Variants in LSAMP observed in about 807,000 individuals in gnomAD.
LSAMP encodes limbic system associated membrane protein.
In LSAMP, 7 loss-of-function variants were observed where a neutral mutation model predicts 38.6. The ratio of observed to expected loss-of-function variants is 0.18; its 90% CI spans 0.10 to 0.34. The LOEUF (loss-of-function observed/expected upper bound fraction) is 0.34, where lower values mean the gene tolerates loss of function less well. Ranked by LOEUF, LSAMP falls within the 10% of genes least tolerant of loss-of-function variation. The pLI is 1.00. For synonymous variants in LSAMP, 154 were observed against 166.8 expected (o/e 0.92, Z 0.59); for missense variants, 313 against 420.0 (o/e 0.75, Z 2.23).
intron 1 of LSAMP, among the ~76,000 whole-genome samples, chr3:116,401,526 C>T (rs1204563600): frequency 2.6e-5 from 4 of 152,216 alleles, no homozygotes; most frequent in Non-Finnish European, 5.9e-5. Context: ...AAGCCATCCA[C>T]CTGCCTTAGC....
intron 3 of LSAMP, among the ~76,000 whole-genome samples, chr3:115,978,709 A>G (rs936658167): frequency 6.6e-6 from 1 of 152,124 alleles, no homozygotes; most frequent in Non-Finnish European, 1.5e-5. Flanking sequence ...AAAAAAGTTA[A>G]GGAGTTGGCA....
intron 2 of LSAMP, among the ~76,000 whole-genome samples, chr3:116,084,946 T>TA (rs1207315047): frequency 1.3e-5 from 2 of 148,522 alleles, no homozygotes; most frequent in East Asian, 3.9e-4. Flanking sequence ...AATTTTTTCT[T>TA]ATGTTTTGAT....
At chr3:115,830,581 T>C (rs934173068) in intron 6 of LSAMP, among the ~76,000 whole-genome samples, 17 of 152,338 alleles carry the variant, frequency 1.1e-4, no homozygotes, top group Admixed American at 6.5e-4. Flanking sequence ...TAAACTCTAA[T>C]GGTACATGAG....
rs74285328 is a variant in LSAMP, at chr3:116,044,015, T to C, written c.389-24375A>G. ...TTCCACTTATGCTTTCAAAAGTTGC[T>C]CTACTCTTCCTCCATGAGCCCTCTT... On this transcript the variant is annotated intron_variant, in intron 2 of 6. Transcript: ENST00000490035. 2.6e-4 allele frequency among the ~76,000 whole-genome samples: 40 copies of C among 152,328 alleles called. No homozygotes were observed. The East Asian group carries it at 7.5e-3, about 29-fold the overall frequency.
chr3:115,887,045 C>T (rs997664966), intron 3 of LSAMP, among the ~76,000 whole-genome samples: 11 of 151,950 alleles, frequency 7.2e-5, no homozygotes, highest in Admixed American at 7.2e-4. Context: ...ACATACAAGG[C>T]ATTTTATATG....
At chr3:116,435,711 A>C (rs534638445) in intron 1 of LSAMP, among the ~76,000 whole-genome samples, 2 of 152,092 alleles carry the variant, frequency 1.3e-5, no homozygotes, top group Non-Finnish European at 2.9e-5. Context: ...CTATTGGGGG[A>C]AAAAAGTTCT....
At chr3:115,911,759 A>G (rs990667208) in intron 3 of LSAMP, among the ~76,000 whole-genome samples, 1 of 152,188 alleles carries the variant, frequency 6.6e-6, no homozygotes, top group Admixed American at 6.5e-5. Context: ...AAAAGCCAAA[A>G]TTATTTTCCA....
chr3:115,955,600 T>TTAACTGCTGATGGGTAAAGAAG lies in LSAMP; in HGVS notation c.514+63893_514+63914dup, dbSNP rs1339109681. Among the ~76,000 whole-genome samples, 10 of 147,864 alleles carry TTAACTGCTGATGGGTAAAGAAG rather than the reference T, an allele frequency of 6.8e-5. No individual in the cohort carries two copies. The Admixed American group carries it at 6.8e-4, about 10-fold the overall frequency. Reference sequence around the variant, plus strand: ...ACAGGTATTTAAACAAGCCATTGTATTAACTGCTGATGGGTAAAGAAGGGT... The same window carrying TTAACTGCTGATGGGTAAAGAAG: ...ACAGGTATTTAAACAAGCCATTGTATTAACTGCTGATGGGTAAAGAAGTAACTGCTGATGGGTAAAGAAGGGT... On this transcript the variant is annotated intron_variant, in intron 3 of 6. Transcript: ENST00000490035.
chr3:116,234,989 G>A (rs954941071), intron 1 of LSAMP, among the ~76,000 whole-genome samples: 2 of 151,440 alleles, frequency 1.3e-5, no homozygotes, highest in Non-Finnish European at 2.9e-5. Flanking sequence ...GTATCTACCA[G>A]TTTGACAATG....
At position 115,923,134 on chromosome 3, in the gene LSAMP, T is replaced by G. The variant is rs75067162; in HGVS notation, c.515-70517A>C. Among the ~76,000 whole-genome samples, 852 of 152,330 alleles carry G rather than the reference T, an allele frequency of 5.6e-3. 11 individuals are homozygous for G. The highest frequency in any genetic ancestry group is 0.019 in the African/African-American group (805 of 41,588). ...CAAGCTGCCTCTTTCCATGCTTCTG[T>G]GTTCTCAGTTGCCCAAGACACTCAA... On this transcript the variant is annotated intron_variant, in intron 3 of 6. Coordinates refer to ENST00000490035, the MANE Select transcript of LSAMP (RefSeq NM_002338.5).
chr3:116,172,883 G>A (rs1414044829), intron 1 of LSAMP, among the ~76,000 whole-genome samples: 2 of 151,830 alleles, frequency 1.3e-5, no homozygotes, highest in Non-Finnish European at 2.9e-5. Context: ...CCCTCTTCAT[G>A]ACAGGAAACA....
intron 1 of LSAMP, among the ~76,000 whole-genome samples, chr3:116,434,335 G>A (rs142487580): frequency 2.0e-5 from 3 of 152,258 alleles, no homozygotes; most frequent in East Asian, 3.9e-4. Context: ...AAAAGGTAAA[G>A]CAAATGAAAT....
intron 1 of LSAMP, among the ~76,000 whole-genome samples, chr3:116,267,273 C>T (rs2046904741): frequency 6.6e-6 from 1 of 152,078 alleles, no homozygotes; most frequent in African/African-American, 2.4e-5. Flanking sequence ...ACAGATCCAT[C>T]TCTTTCTGTG....
intron 1 of LSAMP, among the ~76,000 whole-genome samples, chr3:116,350,850 G>C (rs933372918): frequency 6.6e-6 from 1 of 151,954 alleles, no homozygotes; most frequent in African/African-American, 2.4e-5. Context: ...ATCCGTGCTG[G>C]TTTTGCTGTC....
chr3:116,439,096 C>T (rs2049394995), intron 1 of LSAMP, among the ~76,000 whole-genome samples: 1 of 152,082 alleles, frequency 6.6e-6, no homozygotes, highest in African/African-American at 2.4e-5. Flanking sequence ...AACCTGTGCC[C>T]AGTCCCTTCC....
rs112005290 is a variant in LSAMP at position 116,210,126 on chromosome 3, T to G, written c.156-123570A>C. On this transcript the variant is annotated intron_variant, in intron 1 of 6. Coordinates refer to ENST00000490035, the MANE Select transcript of LSAMP (RefSeq NM_002338.5). ...AAATAAATAATGTGCCTTTGGCATT[T>G]GTGTCTCACGTTTCATTTGTGATGC... Among the ~76,000 whole-genome samples the G allele has an allele frequency of 4.3e-3, 662 of 152,330 alleles. 7 individuals carry two copies. Among genetic ancestry groups the G allele is most frequent in the African/African-American group, 0.015 (624 of 41,566 alleles).
intron 3 of LSAMP, among the ~76,000 whole-genome samples, chr3:115,930,067 G>T (rs1274850322): frequency 1.7e-5 from 2 of 119,356 alleles, no homozygotes; most frequent in East Asian, 5.8e-4. Flanking sequence ...AAGCCTATGG[G>T]CAGAGAATTA....
At chr3:115,978,186 A>T (rs1268100777) in intron 3 of LSAMP, among the ~76,000 whole-genome samples, 1 of 152,164 alleles carries the variant, frequency 6.6e-6, no homozygotes, top group Non-Finnish European at 1.5e-5. Flanking sequence ...AAGGCAAGGA[A>T]ATGGTAGTTA....
intron 3 of LSAMP, among the ~76,000 whole-genome samples, chr3:115,887,113 C>CA (rs1194111112): frequency 1.3e-5 from 2 of 151,794 alleles, no homozygotes; most frequent in African/African-American, 4.8e-5. Flanking sequence ...AAACATGGGA[C>CA]AAAGGAATAG....
Sources: gnomAD v4.1 joint callset for allele counts (sites outside exome capture counted in the v4.1 genomes callset) on GRCh38, gnomAD v4.1.1 for gene constraint, MANE v1.5 for transcripts, NCBI Gene and HGNC (gene_info 2026-07-23, HGNC 2026-07-21) for gene names.